Variants in SUGCT observed in about 807,000 individuals in gnomAD.
SUGCT encodes the protein succinyl-CoA:glutarate-CoA transferase.
Under a neutral mutation model 55.0 loss-of-function variants are expected in SUGCT, and 41 were observed. The ratio of observed to expected loss-of-function variants is 0.74; its 90% confidence interval spans 0.58 to 0.97. The LOEUF (loss-of-function observed/expected upper bound fraction) is 0.97, where lower values mean the gene tolerates loss of function less well. Among genes scored for constraint, SUGCT ranks in the 50% least tolerant of loss-of-function variants. The probability of loss-of-function intolerance (pLI) is 0.00; values close to 1 mark genes in which losing one functional copy is unlikely to be tolerated. For missense variants in SUGCT, 568 were observed against 547.8 expected, an observed-to-expected ratio of 1.04 and a Z score of -0.37; for synonymous variants, 187 against 200.4, an observed-to-expected ratio of 0.93 and a Z score of 0.56.
chr7:40,757,584 A>G (rs1259970521), intron 13 of SUGCT, among the ~76,000 whole-genome samples: 2 of 152,214 alleles, frequency 1.3e-5, no homozygotes, highest in African/African-American at 4.8e-5. Flanking sequence ...AGGAAGTGAT[A>G]TTTATGCTCA....
At chr7:40,430,985 G>A (rs924905377) in intron 9 of SUGCT, among the ~76,000 whole-genome samples, 3 of 152,030 alleles carry the variant, frequency 2.0e-5, no homozygotes, top group Non-Finnish European at 4.4e-5. Context: ...GGGCGTGGTG[G>A]CACATGCCCG....
intron 13 of SUGCT, among the ~76,000 whole-genome samples, chr7:40,819,291 T>A (rs1300171201): frequency 6.6e-6 from 1 of 152,158 alleles, no homozygotes; most frequent in African/African-American, 2.4e-5. Flanking sequence ...TTTGGCTGGG[T>A]CAAATGGTAT....
chr7:40,404,861 T>G (rs1157375241), intron 9 of SUGCT, among the ~76,000 whole-genome samples: 2 of 152,212 alleles, frequency 1.3e-5, no homozygotes, highest in African/African-American at 4.8e-5. Flanking sequence ...ATGATTCCAT[T>G]CTCTGACAGG....
chr7:40,324,092 C>G (rs1038860750), intron 9 of SUGCT, among the ~76,000 whole-genome samples: 2 of 151,894 alleles, frequency 1.3e-5, no homozygotes, highest in African/African-American at 4.8e-5. Flanking sequence ...GCATTTGAAC[C>G]TATATATAGA....
intron 13 of SUGCT, among the ~76,000 whole-genome samples, chr7:40,846,017 TA>T (rs1793537295): frequency 6.6e-6 from 1 of 152,204 alleles, no homozygotes; most frequent in Non-Finnish European, 1.5e-5. Context: ...TTGCTCCTTT[TA>T]AAATTGAATC....
chr7:40,616,020 T>C (rs1226979622), intron 12 of SUGCT, among the ~76,000 whole-genome samples: 1 of 152,250 alleles, frequency 6.6e-6, no homozygotes, highest in Non-Finnish European at 1.5e-5. Context: ...CTCAGAGGTC[T>C]CTATATTTTT....
chr7:40,532,439 G>C (rs1026138234), intron 12 of SUGCT, among the ~76,000 whole-genome samples: 2 of 152,108 alleles, frequency 1.3e-5, no homozygotes, highest in Non-Finnish European at 2.9e-5. Flanking sequence ...CTGGAATGGA[G>C]AGAATCTGTA....
chr7:40,608,546 T>C (rs570269053), intron 12 of SUGCT, among the ~76,000 whole-genome samples: 12 of 152,222 alleles, frequency 7.9e-5, no homozygotes, highest in Non-Finnish European at 1.5e-4. Context: ...TAGTTTAGAT[T>C]ACTATCAGGC....
intron 8 of SUGCT, among the ~76,000 whole-genome samples, chr7:40,310,375 AGGAGCCAGGATGACTAAATAC>A (rs1348110518): frequency 1.3e-4 from 20 of 152,350 alleles, no homozygotes; most frequent in South Asian, 2.1e-4. Context: ...CACAGCGAAA[AGGAGCCAGGATGACTAAATAC>A]GGAGCCAGGA....
intron 13 of SUGCT, among the ~76,000 whole-genome samples, chr7:40,802,618 G>A (rs1045656703): frequency 5.9e-5 from 9 of 152,180 alleles, no homozygotes. Context: ...CAATGGAGAT[G>A]GAAGAGGACA....
At chr7:40,901,565 T>A in the SUGCT span, among the ~76,000 whole-genome samples, 1 of 152,184 alleles carries the variant, frequency 6.6e-6, no homozygotes, top group East Asian at 1.9e-4. Flanking sequence ...CGGAATGATG[T>A]TACCAAACTG....
intron 12 of SUGCT, among the ~76,000 whole-genome samples, chr7:40,597,360 C>G (rs1182323479): frequency 6.6e-6 from 1 of 151,986 alleles, no homozygotes; most frequent in Non-Finnish European, 1.5e-5. Context: ...ATCTTTCAGA[C>G]TGGATATGGA....
the SUGCT span, among the ~76,000 whole-genome samples, chr7:41,009,733 C>T: frequency 6.6e-6 from 1 of 152,174 alleles, no homozygotes; most frequent in Admixed American, 6.5e-5. Context: ...TCATCCATCT[C>T]AGTGTCCTGA....
At chr7:40,934,088 CT>C in the SUGCT span, among the ~76,000 whole-genome samples, 1 of 152,172 alleles carries the variant, frequency 6.6e-6, no homozygotes, top group East Asian at 1.9e-4. Context: ...TACCTTTGGT[CT>C]TTGTTGTTGG....
intron 6 of SUGCT, among the ~76,000 whole-genome samples, chr7:40,196,920 C>T (rs1047450743): frequency 6.6e-6 from 1 of 152,136 alleles, no homozygotes; most frequent in African/African-American, 2.4e-5. Context: ...CTGCAACCTC[C>T]ACCTCCTAGG....
At chr7:40,731,514 T>C (rs1786887050) in intron 12 of SUGCT, among the ~76,000 whole-genome samples, 1 of 152,182 alleles carries the variant, frequency 6.6e-6, no homozygotes, top group South Asian at 2.1e-4. Context: ...CCCAAGAAAG[T>C]CAATTTCAGG....
At chr7:40,209,532 C>T (rs1787208289) in intron 6 of SUGCT, among the ~76,000 whole-genome samples, 1 of 151,846 alleles carries the variant, frequency 6.6e-6, no homozygotes, top group Non-Finnish European at 1.5e-5. Flanking sequence ...CACGGTGGCA[C>T]ATGCCTGTAA....
chr7:40,440,145 GTTTTTTTTTTTTTT>G (rs138984553), intron 9 of SUGCT, among the ~76,000 whole-genome samples: 65 of 68,456 alleles, frequency 9.5e-4, no homozygotes, highest in African/African-American at 3.6e-3. Flanking sequence ...GTGTGTGTGT[GTTTTTTTTTTTTTT>G]TTTTTTTTTT....
chr7:40,635,562 G>A (rs1376916549), intron 12 of SUGCT, among the ~76,000 whole-genome samples: 1 of 152,112 alleles, frequency 6.6e-6, no homozygotes, highest in African/African-American at 2.4e-5. Context: ...ACACAAAATA[G>A]CAATAAGAAT....
Sources: allele counts gnomAD v4.1 joint callset (sites outside exome capture counted in the v4.1 genomes callset), GRCh38; gene constraint gnomAD v4.1.1; transcripts MANE v1.5; gene names NCBI Gene and HGNC (gene_info 2026-07-23, HGNC 2026-07-21).